Variants in OPCML observed in about 807,000 individuals in gnomAD.
OPCML encodes the protein opioid-binding protein/cell adhesion molecule.
A neutral mutation model predicts 37.8 loss-of-function variants in OPCML; 13 were observed. The ratio of observed to expected loss-of-function variants is 0.34; its 90% CI spans 0.22 to 0.55. The LOEUF (loss-of-function observed/expected upper bound fraction) is 0.55, where lower values mean the gene tolerates loss of function less well. Ranked by LOEUF, OPCML falls within the 20% of genes least tolerant of loss-of-function variation. OPCML has a pLI of 0.91. For missense variants in OPCML, 341 were observed against 435.6 expected, an observed-to-expected ratio of 0.78 and a Z score of 1.93; for synonymous variants, 176 against 168.8, an observed-to-expected ratio of 1.04 and a Z score of -0.33.
intron 1 of OPCML, among the ~76,000 whole-genome samples, chr11:133,224,023 G>C (rs1429749370): frequency 1.3e-5 from 2 of 152,302 alleles, no homozygotes; most frequent in African/African-American, 2.4e-5. Flanking sequence ...TGATGGTAGG[G>C]AGCTAGAGAG....
intron 3 of OPCML, among the ~76,000 whole-genome samples, chr11:132,530,851 A>C (rs1337900476): frequency 6.6e-6 from 1 of 152,066 alleles, no homozygotes. Flanking sequence ...GCACTCCTAT[A>C]ACTTTTCTAT....
chr11:132,965,929 T>C (rs1156834053), intron 1 of OPCML, among the ~76,000 whole-genome samples: 1 of 152,196 alleles, frequency 6.6e-6, no homozygotes, highest in East Asian at 1.9e-4. Flanking sequence ...ATTTGCATCT[T>C]TTCTTTCTTT....
intron 3 of OPCML, among the ~76,000 whole-genome samples, chr11:132,607,122 G>C (rs1938351927): frequency 6.6e-6 from 1 of 152,356 alleles, no homozygotes; most frequent in East Asian, 1.9e-4. Flanking sequence ...GTCACCAGTA[G>C]GTGCCCAGCA....
chr11:132,978,797 A>C (rs1029947775), intron 1 of OPCML, among the ~76,000 whole-genome samples: 2 of 151,754 alleles, frequency 1.3e-5, no homozygotes, highest in African/African-American at 4.8e-5. Context: ...TAGATTATAC[A>C]TGTGTATATA....
intron 4 of OPCML, among the ~76,000 whole-genome samples, chr11:132,505,352 G>T (rs776364222): frequency 1.3e-5 from 2 of 152,072 alleles, no homozygotes; most frequent in African/African-American, 2.4e-5. Context: ...TCATGTGATC[G>T]AGCCGTACAC....
In OPCML at chr11:133,212,160, A is replaced by G. The variant is rs1411161547; in HGVS notation, c.62-269150T>C. On this transcript the variant is annotated intron_variant, in intron 1 of 7. Coordinates refer to ENST00000524381, the MANE Select transcript of OPCML (RefSeq NM_001012393.5). This position sits in a 1 kb window ranked among gnomAD's most constrained non-coding sequence, Gnocchi z 4.9. ...GCATGAAAGTACCCACACCACCACCAATCACAACATCATAATGACCAATCA... is the reference window on the plus strand; with the variant it reads ...GCATGAAAGTACCCACACCACCACCGATCACAACATCATAATGACCAATCA... Among the ~76,000 whole-genome samples the G allele has an allele frequency of 1.3e-5, 2 of 152,176 alleles. No homozygotes were observed. Among genetic ancestry groups the G allele is most frequent in the Non-Finnish European group, 2.9e-5 (2 of 68,030 alleles).
intron 3 of OPCML, among the ~76,000 whole-genome samples, chr11:132,599,741 G>A (rs1189955510): frequency 1.3e-5 from 2 of 152,006 alleles, no homozygotes; most frequent in Admixed American, 1.3e-4. Flanking sequence ...TTTGTCATTT[G>A]TCTTTTTAAA....
intron 1 of OPCML, among the ~76,000 whole-genome samples, chr11:133,527,980 G>A (rs1948522430): frequency 6.6e-6 from 1 of 152,220 alleles, no homozygotes. Context: ...CCCAGGCCCA[G>A]AGCTGCTAGA....
chr11:132,686,502 CCTT>C (rs1204224604), intron 2 of OPCML, among the ~76,000 whole-genome samples: 1 of 152,016 alleles, frequency 6.6e-6, no homozygotes, highest in Non-Finnish European at 1.5e-5. Flanking sequence ...TCTTCAAATC[CCTT>C]CTTCTCATGT....
rs377175922 is a variant in OPCML, at chr11:133,239,051, C to T, written c.61+293213G>A. Reference sequence around the variant, plus strand: ...GAAAATGGGGAGTGAAGCTCTCCTTCATCCCAGCCAGGTCTTCGTCAAAGT... The same window carrying T: ...GAAAATGGGGAGTGAAGCTCTCCTTTATCCCAGCCAGGTCTTCGTCAAAGT... On this transcript the variant is annotated intron_variant, in intron 1 of 7. Transcript: ENST00000524381. Among the ~76,000 whole-genome samples, 12 of 152,340 alleles carry T rather than the reference C, an allele frequency of 7.9e-5. No individual in the cohort carries two copies. In the East Asian group the frequency reaches 1.7e-3, roughly 22 times the overall value.
intron 2 of OPCML, among the ~76,000 whole-genome samples, chr11:132,788,967 G>A (rs1375916683): frequency 6.6e-6 from 1 of 152,148 alleles, no homozygotes; most frequent in African/African-American, 2.4e-5. Context: ...TAGCCTTCGT[G>A]TTCCTCTCTA....
intron 1 of OPCML, among the ~76,000 whole-genome samples, chr11:133,039,586 T>C (rs942019127): frequency 6.6e-6 from 1 of 152,102 alleles, no homozygotes; most frequent in African/African-American, 2.4e-5. Flanking sequence ...ATTCCCAGTG[T>C]CTGGGTGGGC....
intron 2 of OPCML, among the ~76,000 whole-genome samples, chr11:132,730,774 C>T (rs1349345460): frequency 1.3e-5 from 2 of 152,174 alleles, no homozygotes; most frequent in East Asian, 3.9e-4. Flanking sequence ...GCTTGACCAC[C>T]AAGACCCCAG....
At chr11:132,793,767 G>C (rs1252635866) in intron 2 of OPCML, among the ~76,000 whole-genome samples, 1 of 152,074 alleles carries the variant, frequency 6.6e-6, no homozygotes, top group Admixed American at 6.5e-5. Context: ...CTCTCCCATG[G>C]GACTACTGCC....
intron 1 of OPCML, among the ~76,000 whole-genome samples, chr11:133,022,277 A>T (rs1215041059): frequency 6.6e-6 from 1 of 152,224 alleles, no homozygotes; most frequent in African/African-American, 2.4e-5. Flanking sequence ...CACTCTTGTG[A>T]AGGGAAACTT....
chr11:133,380,085 G>T (rs1487963442), intron 1 of OPCML, among the ~76,000 whole-genome samples: 1 of 152,132 alleles, frequency 6.6e-6, no homozygotes. Flanking sequence ...AGTACAACAT[G>T]GTTCTTGCCC....
At chr11:132,989,795 A>T (rs1946742881) in intron 1 of OPCML, among the ~76,000 whole-genome samples, 1 of 152,210 alleles carries the variant, frequency 6.6e-6, no homozygotes, top group Admixed American at 6.5e-5. Context: ...ATTCATTTAA[A>T]AAATAAAAAC....
intron 1 of OPCML, among the ~76,000 whole-genome samples, chr11:133,311,365 G>A (rs1412639276): frequency 6.6e-6 from 1 of 152,164 alleles, no homozygotes; most frequent in Non-Finnish European, 1.5e-5. Context: ...CAACATAACA[G>A]CTTTTCCTCC....
chr11:133,107,594 C>T, intron 1 of OPCML, among the ~76,000 whole-genome samples: 1 of 152,192 alleles, frequency 6.6e-6, no homozygotes, highest in East Asian at 1.9e-4. Context: ...GGTTTCTTTT[C>T]TTCATTGTTG....
Sources: allele counts gnomAD v4.1 joint callset (sites outside exome capture counted in the v4.1 genomes callset), GRCh38; gene constraint gnomAD v4.1.1; non-coding constraint Gnocchi (gnomAD v3.1); transcripts MANE v1.5; gene names NCBI Gene and HGNC (gene_info 2026-07-23, HGNC 2026-07-21).